Variants in IRF2 observed in about 807,000 individuals in gnomAD.
The protein encoded by IRF2 is interferon regulatory factor 2.
Under a neutral mutation model 40.6 loss-of-function variants are expected in IRF2, and 15 were observed. The observed-to-expected ratio is 0.37, with a 90% CI of 0.25 to 0.57. IRF2 has a LOEUF of 0.57. Ranked by LOEUF, IRF2 falls within the 20% of genes least tolerant of loss-of-function variation. IRF2 has a pLI of 0.77. For synonymous variants in IRF2, 151 were observed against 165.5 expected, an observed-to-expected ratio of 0.91 and a Z score of 0.67; for missense variants, 317 against 455.7, an observed-to-expected ratio of 0.70 and a Z score of 2.77.
chr4:184,450,898 G>A lies in IRF2; in HGVS notation c.-6-21828C>T, dbSNP rs117699220. Among the ~76,000 whole-genome samples, 91 of 152,264 alleles carry A rather than the reference G, an allele frequency of 6.0e-4. No homozygotes were observed. The East Asian group carries it at 0.015, about 25-fold the overall frequency. On this transcript the variant is annotated intron_variant, in intron 1 of 8. Coordinates refer to ENST00000393593, the MANE Select transcript of IRF2 (RefSeq NM_002199.4). ...ATGAATGACATCCACACCGTCCACT[G>A]AGACCAGTACGTAAGCAACTGCTCC...
chr4:184,407,600 A>G (rs1345617903), intron 6 of IRF2, among the ~76,000 whole-genome samples: 1 of 152,204 alleles, frequency 6.6e-6, no homozygotes, highest in African/African-American at 2.4e-5. Flanking sequence ...CACTGCAGTT[A>G]TCTGGGGGTG....
chr4:184,417,293 A>C lies in IRF2; in HGVS notation c.411+874T>G, dbSNP rs144363999. ...TAAAACAAAATTAGGCCTTTAATAC[A>C]GTACAATATTTAAATTTAGTTAAAA... On this transcript the variant is annotated intron_variant, in intron 5 of 8. Coordinates refer to ENST00000393593, the MANE Select transcript of IRF2 (RefSeq NM_002199.4). 1.1e-3 allele frequency among the ~76,000 whole-genome samples: 161 copies of C among 152,352 alleles called. 4 individuals are homozygous for C. Among genetic ancestry groups the C allele is most frequent in the African/African-American group, 3.6e-3 (149 of 41,572 alleles).
chr4:184,392,533 C>T (rs964399699), intron 7 of IRF2, among the ~76,000 whole-genome samples: 9 of 152,202 alleles, frequency 5.9e-5, no homozygotes, highest in African/African-American at 2.2e-4. Context: ...CTCTTATGCT[C>T]CAGTGCCTTC....
chr4:184,408,035 A>G lies in IRF2; in HGVS notation c.529+123T>C. On this transcript the variant is annotated intron_variant, in intron 6 of 8. Transcript: ENST00000393593. The surrounding 1 kb of genome is among the most constrained non-coding windows in gnomAD (Gnocchi z 4.9). ...TTGAAATCTGGGGGCTGGAACTTGC[A>G]TTCTGAGATGATTCCAAGACCTCCT... is the stretch of plus-strand genomic sequence containing the variant. The G allele has an allele frequency of 1.6e-6, 1 of 613,758 alleles. No homozygotes were observed. Among genetic ancestry groups the G allele is most frequent in the Non-Finnish European group, 2.9e-6 (1 of 340,136 alleles). The allele number at this position is 613,758 out of a possible 1,614,324, so 38.0% of individuals were successfully genotyped here. A position where few individuals can be genotyped will look rare whatever the true frequency, so the allele number is the denominator to read the frequency against.
chr4:184,427,940 C>T (rs1737729242), intron 2 of IRF2, among the ~76,000 whole-genome samples: 1 of 152,168 alleles, frequency 6.6e-6, no homozygotes, highest in South Asian at 2.1e-4. Flanking sequence ...TGACTCAGAA[C>T]TGTTCTGGTA....
intron 5 of IRF2, among the ~76,000 whole-genome samples, chr4:184,409,196 A>T (rs1260877183): frequency 1.3e-5 from 2 of 152,202 alleles, no homozygotes; most frequent in Non-Finnish European, 2.9e-5. Context: ...GAAGGAACAC[A>T]GGACTGGAAG....
intron 1 of IRF2, among the ~76,000 whole-genome samples, chr4:184,450,017 T>G (rs558469369): frequency 5.9e-5 from 9 of 152,320 alleles, no homozygotes; most frequent in African/African-American, 1.9e-4. Context: ...CGTCTTCTAT[T>G]CAAAATCTTG....
intron 7 of IRF2, among the ~76,000 whole-genome samples, chr4:184,393,031 T>A (rs146038136): frequency 2.0e-5 from 3 of 151,874 alleles, no homozygotes; most frequent in Non-Finnish European, 4.4e-5. Flanking sequence ...CAGAAACACA[T>A]GAAAACCAAC....
intron 2 of IRF2, 67 bp from the exon 3 acceptor site, chr4:184,419,635 G>A (rs2149900698): frequency 1.9e-6 from 2 of 1,057,924 alleles, no homozygotes; most frequent in South Asian, 1.3e-5. Context: ...CATTGCAAAA[G>A]GTTGTGAAGG....
intron 2 of IRF2, among the ~76,000 whole-genome samples, chr4:184,425,361 T>G (rs1737629864): frequency 6.6e-6 from 1 of 152,108 alleles, no homozygotes; most frequent in Middle Eastern, 3.2e-3. Flanking sequence ...GGAGTGTAGG[T>G]ATGGAGAGAA....
At chr4:184,394,389 A>G (rs1736370902) in intron 7 of IRF2, among the ~76,000 whole-genome samples, 1 of 152,228 alleles carries the variant, frequency 6.6e-6, no homozygotes, top group African/African-American at 2.4e-5. Context: ...TTCACCTGAA[A>G]GGCTTTTTGC....
intron 1 of IRF2, among the ~76,000 whole-genome samples, chr4:184,458,582 C>G (rs1307278467): frequency 1.3e-5 from 2 of 152,158 alleles, no homozygotes; most frequent in Admixed American, 1.3e-4. Context: ...TTGCCCCAAG[C>G]CTGAAGAGAA....
At chr4:184,405,633 A>G (rs1736826623) in intron 6 of IRF2, among the ~76,000 whole-genome samples, 1 of 152,162 alleles carries the variant, frequency 6.6e-6, no homozygotes, top group Non-Finnish European at 1.5e-5. Context: ...TGAGAAGAAG[A>G]AATGGGGAGC....
At chr4:184,389,549 C>G (rs1736178227) in intron 8 of IRF2, among the ~76,000 whole-genome samples, 1 of 152,190 alleles carries the variant, frequency 6.6e-6, no homozygotes, top group Non-Finnish European at 1.5e-5. Context: ...CAACTGAAAT[C>G]TATTGCACCC....
intron 5 of IRF2, among the ~76,000 whole-genome samples, chr4:184,410,046 C>G (rs1480393732): frequency 6.6e-6 from 1 of 152,160 alleles, no homozygotes; most frequent in South Asian, 2.1e-4. Context: ...TTCCGGACTT[C>G]GCCTCTCCAC....
At position 184,408,019 on chromosome 4, in the gene IRF2, G is replaced by A. The variant is rs969384097; in HGVS notation, c.529+139C>T. ...CCTTCGTTTCTCAGCCTTGAAATCT[G>A]GGGGCTGGAACTTGCATTCTGAGAT... On this transcript the variant is annotated intron_variant, in intron 6 of 8. Coordinates refer to ENST00000393593, the MANE Select transcript of IRF2 (RefSeq NM_002199.4). This position sits in a 1 kb window ranked among gnomAD's most constrained non-coding sequence, Gnocchi z 4.9. The A allele has an allele frequency of 5.2e-6, 3 of 577,162 alleles. No homozygotes were observed. Among genetic ancestry groups the A allele is most frequent in the Non-Finnish European group, 9.4e-6 (3 of 320,016 alleles). The allele number at this position is 577,162 out of a possible 1,614,324, so 35.8% of individuals were successfully genotyped here. A position where few individuals can be genotyped will look rare whatever the true frequency, so the allele number is the denominator to read the frequency against.
intron 1 of IRF2, among the ~76,000 whole-genome samples, chr4:184,450,083 G>A (rs187841791): frequency 1.5e-4 from 23 of 152,198 alleles, no homozygotes; most frequent in African/African-American, 5.1e-4. Context: ...AAGATAATGC[G>A]GTACACATAC....
chr4:184,469,167 A>C (rs928935383), intron 1 of IRF2, among the ~76,000 whole-genome samples: 1 of 152,242 alleles, frequency 6.6e-6, no homozygotes, highest in South Asian at 2.1e-4. Context: ...ATCCCCAAGC[A>C]GACCAAGTTA....
intron 6 of IRF2, among the ~76,000 whole-genome samples, chr4:184,403,747 C>T (rs553064749): frequency 3.9e-5 from 6 of 152,348 alleles, no homozygotes; most frequent in African/African-American, 1.4e-4. Flanking sequence ...AGGATAAAAA[C>T]TTTTGAATCT....
Sources: gnomAD v4.1 joint callset for allele counts (sites outside exome capture counted in the v4.1 genomes callset) on GRCh38, gnomAD v4.1.1 for gene constraint, Gnocchi (gnomAD v3.1) non-coding constraint, MANE v1.5 for transcripts, NCBI Gene and HGNC (gene_info 2026-07-23, HGNC 2026-07-21) for gene names.